RAB6B: variants seen among roughly 807,000 people sequenced by gnomAD.
RAB6B encodes the protein ras-related protein Rab-6B.
A neutral mutation model predicts 31.2 loss-of-function variants in RAB6B; 7 were observed. The observed-to-expected ratio is 0.22, with a 90% confidence interval of 0.13 to 0.42. The LOEUF is 0.42. Among genes scored for constraint, RAB6B ranks in the 10% least tolerant of loss-of-function variants. RAB6B has a pLI of 1.00. For synonymous variants in RAB6B, 105 were observed against 104.9 expected (o/e 1.00, Z -0.01); for missense variants, 149 against 280.6 (o/e 0.53, Z 3.35).
intron 6 of RAB6B, among the ~76,000 whole-genome samples, chr3:133,837,097 C>T (rs1354415339): frequency 6.6e-6 from 1 of 152,050 alleles, no homozygotes; most frequent in Non-Finnish European, 1.5e-5. Context: ...GGGCACCCTG[C>T]AGCCACACCT....
At chr3:133,851,336 G>T (rs923624354) in intron 2 of RAB6B, among the ~76,000 whole-genome samples, 1 of 152,172 alleles carries the variant, frequency 6.6e-6, no homozygotes, top group Non-Finnish European at 1.5e-5. Flanking sequence ...AGTTTCTTCA[G>T]AAAAACAAAA....
chr3:133,840,703 G>GC (rs1361349250), intron 4 of RAB6B, among the ~76,000 whole-genome samples: 12 of 152,094 alleles, frequency 7.9e-5, no homozygotes, highest in African/African-American at 2.7e-4. Context: ...CTCTGCCTCG[G>GC]CCCCCCACCC....
chr3:133,860,088 G>T (rs1019017614), intron 2 of RAB6B, among the ~76,000 whole-genome samples: 13 of 152,196 alleles, frequency 8.5e-5, no homozygotes, highest in African/African-American at 3.1e-4. Flanking sequence ...CTGAGGAATA[G>T]GCCAGAAGGT....
chr3:133,830,880 T>C (rs1935646558), intron 7 of RAB6B, among the ~76,000 whole-genome samples: 1 of 152,200 alleles, frequency 6.6e-6, no homozygotes, highest in African/African-American at 2.4e-5. Context: ...GAAGCATCCC[T>C]GACCACTATC....
chr3:133,893,184 A>G (rs1215409768), intron 1 of RAB6B, among the ~76,000 whole-genome samples: 1 of 152,222 alleles, frequency 6.6e-6, no homozygotes, highest in African/African-American at 2.4e-5. Context: ...GCTGGACAGA[A>G]GCAACCCTTA....
rs74522685 is a variant in RAB6B, at chr3:133,837,978, C to A, written c.495+188G>T. 0.011 allele frequency among the ~76,000 whole-genome samples: 1,682 copies of A among 152,326 alleles called. 30 individuals are homozygous for A. The highest frequency in any genetic ancestry group is 0.038 in the African/African-American group (1,573 of 41,552). ...GATGCCATGCCCGGAGTGGTCCCTC[C>A]CTCTTTTGGGCTTTACCAGCTCCGG... On this transcript the variant is annotated intron_variant, in intron 6 of 7. Coordinates refer to ENST00000285208, the MANE Select transcript of RAB6B (RefSeq NM_016577.4).
At chr3:133,851,487 T>C (rs1490263944) in intron 2 of RAB6B, among the ~76,000 whole-genome samples, 1 of 151,950 alleles carries the variant, frequency 6.6e-6, no homozygotes, top group Non-Finnish European at 1.5e-5. Context: ...GTGAATGGGA[T>C]AAAGGCAAGG....
In RAB6B at chr3:133,895,519, G is replaced by A. The variant is rs546113545; in HGVS notation, c.-53C>T. 6 of 1,586,912 alleles carry A rather than the reference G, an allele frequency of 3.8e-6. No individual in the cohort carries two copies. Among genetic ancestry groups the A allele is most frequent in the East Asian group, 2.2e-5 (1 of 44,472 alleles). ...AGGAGGAGGAAAAAGCGAAGGAGCA[G>A]GGAGGGGAGAGTAGGAGGGCGAGGG... On this transcript the variant is annotated 5_prime_UTR_variant, in exon 1 of 8. Coordinates refer to ENST00000285208, the MANE Select transcript of RAB6B (RefSeq NM_016577.4).
At chr3:133,841,988 G>C (rs975347788) in intron 2 of RAB6B, among the ~76,000 whole-genome samples, 1 of 152,180 alleles carries the variant, frequency 6.6e-6, no homozygotes, top group Non-Finnish European at 1.5e-5. Context: ...CACATATCCT[G>C]CCCTCCCCAC....
At chr3:133,835,213 A>C (rs772132292) in intron 6 of RAB6B, among the ~76,000 whole-genome samples, 6 of 151,958 alleles carry the variant, frequency 3.9e-5, no homozygotes, top group Non-Finnish European at 8.8e-5. Context: ...GATGTGTAGG[A>C]GTGTGAGTTG....
At chr3:133,866,960 A>G (rs1355946191) in intron 1 of RAB6B, among the ~76,000 whole-genome samples, 1 of 152,260 alleles carries the variant, frequency 6.6e-6, no homozygotes, top group Non-Finnish European at 1.5e-5. Flanking sequence ...ATGGATGGGA[A>G]GACACTGAGT....
chr3:133,886,786 C>A (rs1936553844), intron 1 of RAB6B, among the ~76,000 whole-genome samples: 1 of 152,218 alleles, frequency 6.6e-6, no homozygotes, highest in South Asian at 2.1e-4. Context: ...ATTGCTGTTA[C>A]TATTTCATTA....
At chr3:133,889,388 T>TTATATATATA (rs5852771) in intron 1 of RAB6B, among the ~76,000 whole-genome samples, 24 of 80,258 alleles carry the variant, frequency 3.0e-4, no homozygotes, top group Non-Finnish European at 4.6e-4. Context: ...GGTTATTTTG[T>TTATATATATA]TATATATATA....
chr3:133,860,806 A>C (rs1936150440), intron 2 of RAB6B, among the ~76,000 whole-genome samples: 1 of 152,344 alleles, frequency 6.6e-6, no homozygotes, highest in South Asian at 2.1e-4. Flanking sequence ...ACCTGCTCCC[A>C]GGGACAGCCC....
chr3:133,849,585 G>C (rs1003141025), intron 2 of RAB6B, among the ~76,000 whole-genome samples: 2 of 152,198 alleles, frequency 1.3e-5, no homozygotes, highest in Non-Finnish European at 2.9e-5. Context: ...TCAGAACTAA[G>C]GTCACACAGT....
At position 133,838,230 on chromosome 3, in the gene RAB6B, C is replaced by T. The variant is rs749807184; in HGVS notation, c.431G>A (p.Arg144His). ...RQITIEEGEQ[R>H]AKELSVMFIE... is the part of the protein sequence containing the mutation. ...GAACATGACGCTCAGTTCTTTGGCG[C>T]GCTGCTCCCCCTCCTCGATGGTTAT... Residue 144 changes from arginine (R) to histidine (H), a missense_variant, in exon 6 of 8, where the codon CGC (arginine) becomes CAC (histidine). Physicochemically the swap from Arg to His is conservative, Grantham distance 29 (BLOSUM62 0). Around this residue, in one of 2 missense-constraint regions of RAB6B, gnomAD observed 74 missense variants for 100.5 expected, o/e 0.74. Transcript: ENST00000285208. 1.2e-5 allele frequency: 20 copies of T among 1,614,046 alleles called. No individual in the cohort carries two copies. The highest frequency in any genetic ancestry group is 5.3e-5 in the African/African-American group (4 of 74,910).
intron 1 of RAB6B, among the ~76,000 whole-genome samples, chr3:133,870,304 GA>G (rs1471397608): frequency 6.6e-6 from 1 of 152,108 alleles, no homozygotes; most frequent in African/African-American, 2.4e-5. Flanking sequence ...GAGCATGGGG[GA>G]AACCGCCCCC....
intron 4 of RAB6B, 95 bp from the exon 5 acceptor site, chr3:133,839,712 G>T: frequency 5.5e-6 from 5 of 904,228 alleles, no homozygotes; most frequent in Non-Finnish European, 9.3e-6. Context: ...GAGGGAGGGT[G>T]AGCATGTGCC....
At chr3:133,831,674 G>T (rs540150768) in intron 7 of RAB6B, among the ~76,000 whole-genome samples, 15 of 152,224 alleles carry the variant, frequency 9.9e-5, no homozygotes, top group Admixed American at 9.8e-4. Flanking sequence ...TAATGTCCCA[G>T]AAGGGGAAAC....
Sources: allele counts gnomAD v4.1 joint callset (sites outside exome capture counted in the v4.1 genomes callset), GRCh38; gene constraint gnomAD v4.1.1; regional missense constraint gnomAD v4.1.1; transcripts MANE v1.5; gene names NCBI Gene and HGNC (gene_info 2026-07-23, HGNC 2026-07-21).